SIPA1L2: variants seen among roughly 807,000 people sequenced by gnomAD.
SIPA1L2 encodes signal induced proliferation associated 1 like 2, also known as signal-induced proliferation-associated 1-like protein 2.
In SIPA1L2, 56 loss-of-function variants were observed where a neutral mutation model predicts 163.9. The observed-to-expected ratio is 0.34, with a 90% CI of 0.28 to 0.43. The LOEUF (loss-of-function observed/expected upper bound fraction) is 0.43, where lower values mean the gene tolerates loss of function less well. Among genes scored for constraint, SIPA1L2 ranks in the 20% least tolerant of loss-of-function variants. The pLI, the probability that SIPA1L2 is intolerant of heterozygous loss-of-function variation, is 1.00. For missense variants in SIPA1L2, 1,974 were observed against 2,193.5 expected (o/e 0.90, Z 2.00); for synonymous variants, 877 against 865.7 (o/e 1.01, Z -0.23).
At chr1:232,613,432 C>G (rs2102877601) in intron 1 of SIPA1L2, among the ~76,000 whole-genome samples, 1 of 152,326 alleles carries the variant, frequency 6.6e-6, no homozygotes, top group African/African-American at 2.4e-5. Flanking sequence ...CACAAAGTTA[C>G]AGGTGGTCTT....
chr1:232,401,894 C>A (rs1558147437), intron 22 of SIPA1L2, among the ~76,000 whole-genome samples: 1 of 152,220 alleles, frequency 6.6e-6, no homozygotes, highest in Non-Finnish European at 1.5e-5. Context: ...GCTGATGGAA[C>A]AGAGCTCAGC....
chr1:232,451,536 A>G (rs1558188059), intron 10 of SIPA1L2, among the ~76,000 whole-genome samples: 1 of 152,216 alleles, frequency 6.6e-6, no homozygotes, highest in Non-Finnish European at 1.5e-5. Context: ...TTTCTAAAAA[A>G]ACAAGCTGCT....
At chr1:232,602,516 A>C (rs2102857033) in intron 1 of SIPA1L2, among the ~76,000 whole-genome samples, 1 of 152,222 alleles carries the variant, frequency 6.6e-6, no homozygotes, top group East Asian at 1.9e-4. Context: ...TTATTAGTAG[A>C]GATGGGGTTT....
intron 7 of SIPA1L2, among the ~76,000 whole-genome samples, chr1:232,475,249 T>C (rs950059532): frequency 6.6e-6 from 1 of 152,200 alleles, no homozygotes; most frequent in Non-Finnish European, 1.5e-5. Context: ...GACAGCGTCT[T>C]GTCCCTCCTA....
chr1:232,455,679 C>A (rs1320747562), intron 10 of SIPA1L2, among the ~76,000 whole-genome samples: 1 of 144,626 alleles, frequency 6.9e-6, no homozygotes, highest in Non-Finnish European at 1.5e-5. Flanking sequence ...CGCGCCACTG[C>A]ACTCCAGCCT....
At chr1:232,517,003 G>T (rs913264015) in intron 2 of SIPA1L2, among the ~76,000 whole-genome samples, 1 of 152,138 alleles carries the variant, frequency 6.6e-6, no homozygotes, top group Non-Finnish European at 1.5e-5. Flanking sequence ...TGTAATTAAA[G>T]AGAAGAGTAA....
chr1:232,500,825 C>T (rs1278379304), intron 3 of SIPA1L2, among the ~76,000 whole-genome samples: 6 of 152,130 alleles, frequency 3.9e-5, no homozygotes, highest in African/African-American at 9.7e-5. Flanking sequence ...GGGTCAAATG[C>T]TATCAAATAG....
chr1:232,405,125 A>C (rs1660565459), intron 19 of SIPA1L2, among the ~76,000 whole-genome samples: 1 of 152,210 alleles, frequency 6.6e-6, no homozygotes, highest in African/African-American at 2.4e-5. Flanking sequence ...GGTCACATTG[A>C]AGCTGCCAGG....
intron 2 of SIPA1L2, among the ~76,000 whole-genome samples, chr1:232,559,122 A>T (rs1658892717): frequency 6.6e-6 from 1 of 152,112 alleles, no homozygotes; most frequent in Admixed American, 6.5e-5. Context: ...GCAACCCCAG[A>T]CATCAGCACT....
Position 232,465,001 on chromosome 1 carries a change from C to T in SIPA1L2, c.2659G>A (p.Asp887Asn), listed in dbSNP as rs568043026. The part of the protein sequence containing the change: ...SNEFIMLIEK[D>N]SKNVVFNCSC... ...CAGTTGAATACAACATTCTTGGAAT[C>T]CTTTTCAATCAACATGATGAACTCA... Residue 887 changes from aspartate to asparagine, a missense_variant, in exon 9 of 23, where the codon GAT becomes AAT. Asp to Asn is a conservative substitution (Grantham distance 23). Transcript: ENST00000674635. The surrounding 1 kb of genome is among the most constrained non-coding windows in gnomAD (Gnocchi z 4.1). 1 of 1,614,166 alleles carries T rather than the reference C, an allele frequency of 6.2e-7. No individual in the cohort carries two copies. The highest frequency in any genetic ancestry group is 2.2e-5 in the East Asian group (1 of 44,886).
rs1660241489 is a variant in SIPA1L2, at chr1:232,400,034, CT to C, written c.5023-762del. On this transcript the variant is annotated intron_variant, in intron 22 of 22. Coordinates refer to ENST00000674635, the MANE Select transcript of SIPA1L2 (RefSeq NM_020808.5). ...GCCCCCACCCTTGGCATATCTGGTC[CT>C]GCCCTCAAGGCTTCCTCGTTTCCTG... Among the ~76,000 whole-genome samples, 4 of 152,288 alleles carry C rather than the reference CT, an allele frequency of 2.6e-5. No individual in the cohort carries two copies. In the South Asian group the frequency reaches 8.3e-4, roughly 32 times the overall value.
In SIPA1L2 at chr1:232,436,775, C is replaced by T. The variant is rs140928504; in HGVS notation, c.4031+2333G>A. 1.9e-3 allele frequency among the ~76,000 whole-genome samples: 294 copies of T among 152,304 alleles called. 1 individual carries two copies. Among genetic ancestry groups the T allele is most frequent in the African/African-American group, 6.8e-3 (281 of 41,562 alleles). On this transcript the variant is annotated intron_variant, in intron 15 of 22. Coordinates refer to ENST00000674635, the MANE Select transcript of SIPA1L2 (RefSeq NM_020808.5). Reference sequence around the variant, plus strand: ...TGCTGTAAATCCCATCCCTCCTCCTCGCCTCCTGTGCAGCTCGGGGGGCAC... The same window carrying T: ...TGCTGTAAATCCCATCCCTCCTCCTTGCCTCCTGTGCAGCTCGGGGGGCAC...
chr1:232,564,173 T>C (rs1206135113), intron 2 of SIPA1L2, among the ~76,000 whole-genome samples: 2 of 113,572 alleles, frequency 1.8e-5, no homozygotes, highest in African/African-American at 4.3e-5. Context: ...TGTGTGTGTG[T>C]GTGTGTGTGT....
At chr1:232,600,828 C>T (rs1340305916) in intron 1 of SIPA1L2, among the ~76,000 whole-genome samples, 1 of 152,138 alleles carries the variant, frequency 6.6e-6, no homozygotes, top group African/African-American at 2.4e-5. Flanking sequence ...ATGGAAGCCT[C>T]AGGGCACATA....
chr1:232,522,906 T>C (rs1667523596), intron 2 of SIPA1L2, among the ~76,000 whole-genome samples: 1 of 152,188 alleles, frequency 6.6e-6, no homozygotes, highest in Non-Finnish European at 1.5e-5. Context: ...AAGTATAGGA[T>C]GACTGCTCAC....
At chr1:232,596,718 T>C (rs1468171614) in intron 1 of SIPA1L2, among the ~76,000 whole-genome samples, 1 of 152,244 alleles carries the variant, frequency 6.6e-6, no homozygotes, top group Non-Finnish European at 1.5e-5. Flanking sequence ...TTCTTATTAA[T>C]ATTGAAACAA....
intron 3 of SIPA1L2, among the ~76,000 whole-genome samples, chr1:232,507,424 A>G (rs1666779610): frequency 6.6e-6 from 1 of 152,016 alleles, no homozygotes; most frequent in Non-Finnish European, 1.5e-5. Context: ...TTGCCAGGCT[A>G]CTCCATTGTA....
chr1:232,468,668 CAGA>C (rs1664646369), intron 8 of SIPA1L2, among the ~76,000 whole-genome samples: 2 of 152,284 alleles, frequency 1.3e-5, no homozygotes, highest in Middle Eastern at 3.4e-3. Context: ...TAATTTTTGT[CAGA>C]AGATGTTACA....
chr1:232,517,887 T>G (rs893659735), intron 2 of SIPA1L2, among the ~76,000 whole-genome samples: 5 of 150,418 alleles, frequency 3.3e-5, no homozygotes, highest in South Asian at 2.1e-4. Flanking sequence ...CAAAAACCTG[T>G]TTTTTTTTAA....
Sources: gnomAD v4.1 joint callset for allele counts (sites outside exome capture counted in the v4.1 genomes callset) on GRCh38, gnomAD v4.1.1 for gene constraint, Gnocchi (gnomAD v3.1) non-coding constraint, MANE v1.5 for transcripts, NCBI Gene and HGNC (gene_info 2026-07-23, HGNC 2026-07-21) for gene names.